PTK2: variants seen among roughly 807,000 people sequenced by gnomAD.
PTK2 encodes protein tyrosine kinase 2, also known as focal adhesion kinase 1.
In PTK2, 45 loss-of-function variants were observed where a neutral mutation model predicts 150.1. The ratio of observed to expected loss-of-function variants is 0.30; its 90% CI spans 0.24 to 0.38. The LOEUF is 0.38. Ranked by LOEUF, PTK2 falls within the 10% of genes least tolerant of loss-of-function variation. PTK2 has a pLI of 1.00. For missense variants in PTK2, 919 were observed against 1,307.3 expected (o/e 0.70, Z 4.58); for synonymous variants, 432 against 449.2 (o/e 0.96, Z 0.48).
At chr8:140,944,111 G>A (rs11167010) in intron 1 of PTK2, among the ~76,000 whole-genome samples, 63,514 of 151,970 alleles carry the variant, frequency 0.42, 15,193 homozygotes, top group Non-Finnish European at 0.55. Context: ...ACTCATCCCC[G>A]TCTCTTCCTT....
intron 8 of PTK2, among the ~76,000 whole-genome samples, chr8:140,824,506 C>A (rs1353718507): frequency 3.3e-5 from 5 of 152,190 alleles, no homozygotes; most frequent in Admixed American, 6.5e-5. Context: ...CTGTTGGCGC[C>A]TTTGGCAGGA....
chr8:140,765,775 T>C (rs1266202923), intron 14 of PTK2, among the ~76,000 whole-genome samples: 2 of 152,138 alleles, frequency 1.3e-5, no homozygotes, highest in African/African-American at 2.4e-5. Flanking sequence ...CAAAACACCC[T>C]GTGAAAGAAA....
intron 1 of PTK2, among the ~76,000 whole-genome samples, chr8:140,936,358 A>T (rs956302480): frequency 1.2e-4 from 19 of 152,176 alleles, no homozygotes; most frequent in Admixed American, 5.9e-4. Flanking sequence ...AATTCTCAGC[A>T]ATGTACTGAG....
intron 5 of PTK2, among the ~76,000 whole-genome samples, chr8:140,855,509 C>T (rs1389906345): frequency 1.3e-5 from 2 of 151,980 alleles, no homozygotes; most frequent in African/African-American, 4.8e-5. Context: ...GCAGGAGAAT[C>T]GCCTGAACCC....
chr8:140,686,655 C>T (rs2100020049), exon 27 of PTK2: 1 of 1,613,962 alleles, frequency 6.2e-7, no homozygotes. Context: ...CTTCCATCCT[C>T]CCTGTCAATA....
chr8:140,823,428 G>A (rs2100110008), intron 8 of PTK2, among the ~76,000 whole-genome samples: 1 of 152,010 alleles, frequency 6.6e-6, no homozygotes, highest in African/African-American at 2.4e-5. Flanking sequence ...AACATTCTAT[G>A]AAGTAACGGA....
At chr8:140,901,344 T>C (rs1486324693) in intron 2 of PTK2, among the ~76,000 whole-genome samples, 2 of 152,192 alleles carry the variant, frequency 1.3e-5, no homozygotes, top group Non-Finnish European at 2.9e-5. Flanking sequence ...GGGAAACACT[T>C]CTGGACACTG....
At chr8:140,987,463 C>G (rs4961312) in intron 1 of PTK2, among the ~76,000 whole-genome samples, 147,064 of 152,322 alleles carry the variant, frequency 0.97, 71,191 homozygotes, top group East Asian at 1. Context: ...TTATAGGCAT[C>G]AGCCACGGTG....
chr8:140,803,476 A>T (rs1003620925), intron 11 of PTK2, 67 bp downstream of exon 11: 3 of 1,311,074 alleles, frequency 2.3e-6, no homozygotes, highest in African/African-American at 2.9e-5. Context: ...TTCATAAAAA[A>T]GTCAACAATT....
chr8:140,693,568 A>ATT (rs2100024487), intron 26 of PTK2, among the ~76,000 whole-genome samples: 1 of 30,658 alleles, frequency 3.3e-5, no homozygotes, highest in Non-Finnish European at 7.6e-5. Context: ...CTCAATTAAA[A>ATT]AAAAAAAAAA....
rs2100051899 is a variant in PTK2, at chr8:140,735,231, T to C, written c.2030+20A>G. Reference sequence around the variant, plus strand: ...ATAATCTGCCCCCACCCCCAGGCCCTCTCTCCCGCCAACTCCTACCTGAGC... The same window carrying C: ...ATAATCTGCCCCCACCCCCAGGCCCCCTCTCCCGCCAACTCCTACCTGAGC... On this transcript the variant is annotated intron_variant, in intron 22 of 31. Coordinates refer to ENST00000522684, the Ensembl canonical transcript of PTK2. 3 of 1,609,868 alleles carry C rather than the reference T, an allele frequency of 1.9e-6. No individual in the cohort carries two copies. Among genetic ancestry groups the C allele is most frequent in the Non-Finnish European group, 2.5e-6 (3 of 1,177,228 alleles).
intron 3 of PTK2, among the ~76,000 whole-genome samples, chr8:140,883,458 T>C (rs1488320081): frequency 4.6e-5 from 7 of 152,226 alleles, no homozygotes; most frequent in Admixed American, 2.0e-4. Flanking sequence ...ACACACATTG[T>C]TGACACTGTT....
chr8:140,737,294 G>A (rs754316976), intron 21 of PTK2, among the ~76,000 whole-genome samples: 4 of 152,140 alleles, frequency 2.6e-5, no homozygotes, highest in South Asian at 2.1e-4. Flanking sequence ...GTAGAGATGG[G>A]GTCTTGCTAA....
chr8:140,957,174 C>T (rs1442237564), intron 1 of PTK2, among the ~76,000 whole-genome samples: 1 of 152,152 alleles, frequency 6.6e-6, no homozygotes, highest in East Asian at 1.9e-4. Flanking sequence ...TGCCTCGCTT[C>T]TATCATCTTG....
At chr8:140,892,959 T>C (rs1252658280) in intron 2 of PTK2, among the ~76,000 whole-genome samples, 1 of 152,228 alleles carries the variant, frequency 6.6e-6, no homozygotes, top group Non-Finnish European at 1.5e-5. Context: ...AGGTTAAACA[T>C]GGAGTTACCA....
chr8:140,932,862 C>CTT (rs10667084), intron 1 of PTK2, among the ~76,000 whole-genome samples: 6 of 150,082 alleles, frequency 4.0e-5, no homozygotes, highest in Middle Eastern at 3.5e-3. Flanking sequence ...CTTCCTTCCC[C>CTT]TTTTTTTGAG....
chr8:140,814,223 G>A (rs367984403), intron 10 of PTK2, among the ~76,000 whole-genome samples: 53 of 152,222 alleles, frequency 3.5e-4, no homozygotes, highest in African/African-American at 1.1e-3. Flanking sequence ...TCTACCAGAC[G>A]TATACAGATG....
intron 12 of PTK2, among the ~76,000 whole-genome samples, chr8:140,795,559 C>T (rs1298124517): frequency 6.6e-6 from 1 of 152,216 alleles, no homozygotes; most frequent in East Asian, 1.9e-4. Flanking sequence ...CTCGATACAG[C>T]TCAACATCAT....
At chr8:140,835,727 CATAA>C (rs2100118311) in intron 7 of PTK2, among the ~76,000 whole-genome samples, 1 of 152,038 alleles carries the variant, frequency 6.6e-6, no homozygotes, top group Non-Finnish European at 1.5e-5. Flanking sequence ...ACAGCAGGTT[CATAA>C]ATAATGTCAT....
Sources: gnomAD v4.1 joint callset for allele counts (sites outside exome capture counted in the v4.1 genomes callset) on GRCh38, gnomAD v4.1.1 for gene constraint, MANE v1.5 for transcripts, NCBI Gene and HGNC (gene_info 2026-07-23, HGNC 2026-07-21) for gene names.